Variants in C11orf24 observed in about 807,000 individuals in gnomAD.
The protein encoded by C11orf24 is chromosome 11 open reading frame 24.
A neutral mutation model predicts 7.3 loss-of-function variants in C11orf24; 5 were observed. That is an observed-to-expected ratio of 0.69 (90% confidence interval 0.36 to 1.45). The LOEUF is 1.45. Among genes scored for constraint, C11orf24 ranks in the 40% most tolerant of loss-of-function variants. The probability of loss-of-function intolerance (pLI) is 0.03; values close to 1 mark genes in which losing one functional copy is unlikely to be tolerated. For synonymous variants in C11orf24, 233 were observed against 235.7 expected, an observed-to-expected ratio of 0.99 and a Z score of 0.11; for missense variants, 566 against 590.5, an observed-to-expected ratio of 0.96 and a Z score of 0.43.
At position 68,263,496 on chromosome 11, in the gene C11orf24, G is replaced by A. The variant is rs1422040685; in HGVS notation, c.76+196C>T. 5.2e-6 allele frequency: 3 copies of A among 576,056 alleles called. No individual in the cohort carries two copies. The African/African-American group carries it at 5.7e-5, about 11-fold the overall frequency. 35.7% of individuals were successfully genotyped at this position (576,056 alleles called of 1,614,324 possible). On this transcript the variant is annotated intron_variant, in intron 3 of 3. Transcript: ENST00000304271. ...CAAACCTTTCAGGGCTCAGCTGCCTGGTCCTGCTAGGGGCTCTTTGCCCAC... is the reference window on the plus strand; with the variant it reads ...CAAACCTTTCAGGGCTCAGCTGCCTAGTCCTGCTAGGGGCTCTTTGCCCAC...
rs898574624 is a variant in C11orf24 at position 68,263,528 on chromosome 11, C to T, written c.76+164G>A. On this transcript the variant is annotated intron_variant, in intron 3 of 3. Transcript: ENST00000304271. ...CTAGGGGCTCTTTGCCCACCATGGCCCTGGAGAAGGAAGGTTGGCCTGACA... is the reference window on the plus strand; with the variant it reads ...CTAGGGGCTCTTTGCCCACCATGGCTCTGGAGAAGGAAGGTTGGCCTGACA... 6.4e-6 allele frequency: 4 copies of T among 624,046 alleles called. No individual in the cohort carries two copies. The Admixed American group carries it at 8.8e-5, about 14-fold the overall frequency. 38.7% of individuals were successfully genotyped at this position (624,046 alleles called of 1,614,324 possible). A position where few individuals can be genotyped will look rare whatever the true frequency, so the allele number is the denominator to read the frequency against.
chr11:68,271,193 A>T (rs930777781), intron 1 of C11orf24, among the ~76,000 whole-genome samples: 5 of 152,210 alleles, frequency 3.3e-5, no homozygotes, highest in Admixed American at 6.5e-5. Context: ...GCAAGTTATT[A>T]CAGTCAGATT....
intron 1 of C11orf24, among the ~76,000 whole-genome samples, chr11:68,270,007 A>T (rs899628437): frequency 2.7e-5 from 4 of 150,788 alleles, no homozygotes; most frequent in African/African-American, 4.9e-5. Context: ...TCCCCTGCAA[A>T]GGCTTCAAGC....
intron 1 of C11orf24, among the ~76,000 whole-genome samples, chr11:68,271,425 C>T (rs2098567894): frequency 6.6e-6 from 1 of 152,146 alleles, no homozygotes; most frequent in Admixed American, 6.5e-5. Flanking sequence ...AGGTCTGTGT[C>T]ACTCAAGTAA....
chr11:68,264,545 T>C (rs1351316912), intron 2 of C11orf24, among the ~76,000 whole-genome samples: 9 of 118,810 alleles, frequency 7.6e-5, no homozygotes, highest in South Asian at 6.4e-4. Context: ...CATCCATCCA[T>C]CCATCCATCC....
chr11:68,262,235 G>T lies in C11orf24; in HGVS notation c.760C>A (p.Gln254Lys). 5 of 1,613,098 alleles carry T rather than the reference G, an allele frequency of 3.1e-6. No individual in the cohort carries two copies. The highest frequency in any genetic ancestry group is 4.2e-6 in the Non-Finnish European group (5 of 1,179,198). ...SPVPPMRPQA[Q>K]GPISQVSVDQ... ...ACTGACACCTGGCTAATGGGACCTTGTGCTTGGGGACGCATAGGGGGTACA... is the reference window on the plus strand; with the variant it reads ...ACTGACACCTGGCTAATGGGACCTTTTGCTTGGGGACGCATAGGGGGTACA... The change falls in exon 4 of 4, where the codon CAA becomes AAA. Residue 254 changes from glutamine to lysine, a missense_variant. By Grantham distance (53) the Gln-to-Lys change is moderately conservative. Coordinates refer to ENST00000304271, the MANE Select transcript of C11orf24 (RefSeq NM_022338.4).
chr11:68,265,632 C>A (rs1266336370), intron 2 of C11orf24, among the ~76,000 whole-genome samples: 1 of 152,112 alleles, frequency 6.6e-6, no homozygotes. Flanking sequence ...GGATCACAGG[C>A]GCATGCCACC....
At chr11:68,264,849 T>A (rs1280754548) in intron 2 of C11orf24, among the ~76,000 whole-genome samples, 1 of 149,788 alleles carries the variant, frequency 6.7e-6, no homozygotes, top group South Asian at 2.1e-4. Flanking sequence ...AGAAAAGAGG[T>A]CATTGCAGGC....
chr11:68,269,567 T>C (rs1463279488), intron 1 of C11orf24, among the ~76,000 whole-genome samples: 1 of 152,226 alleles, frequency 6.6e-6, no homozygotes, highest in Non-Finnish European at 1.5e-5. Context: ...CACACACGCT[T>C]GTGTGCGCAC....
At chr11:68,269,222 GCA>G (rs2098566683) in intron 1 of C11orf24, among the ~76,000 whole-genome samples, 2 of 152,044 alleles carry the variant, frequency 1.3e-5, no homozygotes, top group Admixed American at 1.3e-4. Context: ...AAGCAGAAAG[GCA>G]CAGAGTTATC....
intron 2 of C11orf24, chr11:68,267,266 C>T (rs1299711183): frequency 6.6e-6 from 1 of 152,232 alleles, no homozygotes; most frequent in Non-Finnish European, 1.5e-5. Flanking sequence ...CTGAATGAAC[C>T]TCCTCCTTCT....
chr11:68,262,192 T>C lies in C11orf24; in HGVS notation c.803A>G (p.Asn268Ser), dbSNP rs769035176. Reference sequence around the variant, plus strand: ...CATGGGTGTGGATTTATTTGTTGTGTTAACCACAGGCTGGTCCACTGACAC... The same window carrying C: ...CATGGGTGTGGATTTATTTGTTGTGCTAACCACAGGCTGGTCCACTGACAC... ...SQVSVDQPVV[N>S]TTNKSTPMPS... Residue 268 changes from asparagine to serine, a missense_variant, in exon 4 of 4, where the codon AAC becomes AGC. By Grantham distance (46) the Asn-to-Ser change is conservative. Coordinates refer to ENST00000304271, the MANE Select transcript of C11orf24 (RefSeq NM_022338.4). 7 of 1,613,642 alleles carry C rather than the reference T, an allele frequency of 4.3e-6. No homozygotes were observed. The highest frequency in any genetic ancestry group is 5.9e-6 in the Non-Finnish European group (7 of 1,179,692).
rs201392372 is a variant in C11orf24 at position 68,261,632 on chromosome 11, G to C, written c.*13C>G. Reference sequence around the variant, plus strand: ...AGGAAGGGGCCAGGCCTCCCGCCAGGCCCCCGCCCCCCTCACATTTCTGAG... The same window carrying C: ...AGGAAGGGGCCAGGCCTCCCGCCAGCCCCCCGCCCCCCTCACATTTCTGAG... On this transcript the variant is annotated 3_prime_UTR_variant, in exon 4 of 4. Coordinates refer to ENST00000304271, the MANE Select transcript of C11orf24 (RefSeq NM_022338.4). 6.3e-7 allele frequency: 1 copy of C among 1,590,864 alleles called. No homozygotes were observed. Among genetic ancestry groups the C allele is most frequent in the Non-Finnish European group, 8.6e-7 (1 of 1,163,466 alleles).
At chr11:68,265,866 C>T (rs1354434035) in intron 2 of C11orf24, among the ~76,000 whole-genome samples, 1 of 152,218 alleles carries the variant, frequency 6.6e-6, no homozygotes, top group Non-Finnish European at 1.5e-5. Flanking sequence ...CACAAGGTAA[C>T]CAGCACTTAG....
chr11:68,266,218 G>A (rs2098565050), intron 2 of C11orf24, among the ~76,000 whole-genome samples: 1 of 152,228 alleles, frequency 6.6e-6, no homozygotes, highest in African/African-American at 2.4e-5. Flanking sequence ...AGTGACATGG[G>A]ACATGGGATC....
chr11:68,265,549 G>A (rs2098564680), intron 2 of C11orf24, among the ~76,000 whole-genome samples: 1 of 152,142 alleles, frequency 6.6e-6, no homozygotes, highest in Admixed American at 6.5e-5. Flanking sequence ...GCCCAGGCTG[G>A]ACTGCAGTGG....
chr11:68,263,943 G>C, intron 2 of C11orf24, 77 bp from the exon 3 acceptor site: 1 of 608,794 alleles, frequency 1.6e-6, no homozygotes. Context: ...ACCTGCTGTG[G>C]AGGGCTCTGG....
At chr11:68,264,616 AT>A (rs2098563902) in intron 2 of C11orf24, among the ~76,000 whole-genome samples, 1 of 97,822 alleles carries the variant, frequency 1.0e-5, no homozygotes, top group African/African-American at 3.9e-5. Flanking sequence ...CCATCCATCC[AT>A]CCATCCACCC....
chr11:68,263,495 TG>T lies in C11orf24; in HGVS notation c.76+196del. ...GCAAACCTTTCAGGGCTCAGCTGCCTGGTCCTGCTAGGGGCTCTTTGCCCAC... is the reference window on the plus strand; with the variant it reads ...GCAAACCTTTCAGGGCTCAGCTGCCTGTCCTGCTAGGGGCTCTTTGCCCAC... On this transcript the variant is annotated intron_variant, in intron 3 of 3. Coordinates refer to ENST00000304271, the MANE Select transcript of C11orf24 (RefSeq NM_022338.4). The T allele has an allele frequency of 6.9e-6, 4 of 576,328 alleles. No individual in the cohort carries two copies. The East Asian group carries it at 1.2e-4, about 17-fold the overall frequency. The allele number at this position is 576,328 out of a possible 1,614,324, so 35.7% of individuals were successfully genotyped here. A position where few individuals can be genotyped will look rare whatever the true frequency, so the allele number is the denominator to read the frequency against.
Sources: gnomAD v4.1 joint callset for allele counts (sites outside exome capture counted in the v4.1 genomes callset) on GRCh38, gnomAD v4.1.1 for gene constraint, MANE v1.5 for transcripts, NCBI Gene and HGNC (gene_info 2026-07-23, HGNC 2026-07-21) for gene names.